PDZD2: variants seen among roughly 807,000 people sequenced by gnomAD.
PDZD2 encodes the protein PDZ domain containing 2, also known as PDZ domain-containing protein 2.
In PDZD2, 90 loss-of-function variants were observed where a neutral mutation model predicts 220.7. That is an observed-to-expected ratio of 0.41 (90% CI 0.34 to 0.49). The LOEUF (loss-of-function observed/expected upper bound fraction) is 0.49, where lower values mean the gene tolerates loss of function less well. Ranked by LOEUF, PDZD2 falls within the 20% of genes least tolerant of loss-of-function variation. PDZD2 has a pLI of 0.28. For missense variants in PDZD2, 3,174 were observed against 3,608.5 expected, an observed-to-expected ratio of 0.88 and a Z score of 3.08; for synonymous variants, 1,375 against 1,450.5, an observed-to-expected ratio of 0.95 and a Z score of 1.18.
chr5:32,063,915 G>T (rs1739939190), intron 14 of PDZD2, among the ~76,000 whole-genome samples: 1 of 152,204 alleles, frequency 6.6e-6, no homozygotes, highest in African/African-American at 2.4e-5. Flanking sequence ...TGAAAGACAA[G>T]ACCCAATTTA....
chr5:31,939,822 A>AT (rs1262139836), intron 2 of PDZD2, among the ~76,000 whole-genome samples: 3 of 152,090 alleles, frequency 2.0e-5, no homozygotes, highest in Non-Finnish European at 2.9e-5. Flanking sequence ...TCTATTTATC[A>AT]TTTTTTTCCT....
chr5:31,804,960 G>A (rs1200561897), intron 2 of PDZD2, among the ~76,000 whole-genome samples: 1 of 152,178 alleles, frequency 6.6e-6, no homozygotes, highest in East Asian at 1.9e-4. Context: ...TTGGGAGGCC[G>A]AGGCGGGTTG....
At chr5:31,808,978 C>CA (rs5867105) in intron 2 of PDZD2, among the ~76,000 whole-genome samples, 3,497 of 145,206 alleles carry the variant, frequency 0.024, 132 homozygotes, top group African/African-American at 0.081. Context: ...GACTCCATCT[C>CA]AAAAAAAAAA....
intron 7 of PDZD2, 146 bp downstream of exon 7, chr5:32,037,488 A>C (rs113300428): frequency 3.3e-5 from 20 of 603,016 alleles, no homozygotes; most frequent in African/African-American, 1.8e-4. Flanking sequence ...TATCCCAGGC[A>C]TAACAACTGC....
At chr5:31,987,073 G>T (rs769325900) in intron 3 of PDZD2, among the ~76,000 whole-genome samples, 2 of 152,062 alleles carry the variant, frequency 1.3e-5, no homozygotes, top group Admixed American at 1.3e-4. Context: ...ACTATTTTAG[G>T]CATGAGTTCA....
chr5:31,887,359 T>G (rs536967794), intron 2 of PDZD2, among the ~76,000 whole-genome samples: 30 of 152,290 alleles, frequency 2.0e-4, no homozygotes, highest in Admixed American at 1.2e-3. Context: ...TGGAGCACTT[T>G]TGGTGTCCTG....
chr5:31,989,486 G>T (rs569072674), intron 3 of PDZD2, among the ~76,000 whole-genome samples: 2 of 145,748 alleles, frequency 1.4e-5, no homozygotes, highest in African/African-American at 5.2e-5. Context: ...GCAGTGGCGC[G>T]ATCTTGGCTC....
chr5:31,976,717 T>TTTTC (rs1481093121), intron 2 of PDZD2, among the ~76,000 whole-genome samples: 127 of 20,948 alleles, frequency 6.1e-3, no homozygotes, highest in Non-Finnish European at 8.0e-3. Flanking sequence ...CTTCTTTCTT[T>TTTTC]TTTTTTTTTT....
chr5:31,969,057 G>T (rs1393654160), intron 2 of PDZD2, among the ~76,000 whole-genome samples: 1 of 152,132 alleles, frequency 6.6e-6, no homozygotes, highest in Non-Finnish European at 1.5e-5. Flanking sequence ...GCCACCAGGG[G>T]ATTCATGGCC....
At chr5:32,001,727 G>A (rs1454961091) in intron 5 of PDZD2, among the ~76,000 whole-genome samples, 4 of 152,200 alleles carry the variant, frequency 2.6e-5, no homozygotes, top group Admixed American at 1.3e-4. Context: ...AAGAGGAGGC[G>A]TTGACCTCTG....
intron 2 of PDZD2, among the ~76,000 whole-genome samples, chr5:31,907,232 AGTACCAGCAGCATGGTTGGTTTCTG>A (rs1160297851): frequency 6.6e-6 from 1 of 152,238 alleles, no homozygotes; most frequent in Non-Finnish European, 1.5e-5. Context: ...GAAAGACGAA[AGTACCAGCAGCATGGTTGGTTTCTG>A]GTGAGGGCTC....
intron 2 of PDZD2, among the ~76,000 whole-genome samples, chr5:31,806,807 G>A (rs573482434): frequency 6.6e-6 from 1 of 152,080 alleles, no homozygotes; most frequent in African/African-American, 2.4e-5. Context: ...CAAATTGGTC[G>A]CAAAATATGG....
intron 2 of PDZD2, among the ~76,000 whole-genome samples, chr5:31,971,322 T>C (rs748746110): frequency 1.5e-4 from 23 of 152,208 alleles, no homozygotes; most frequent in Non-Finnish European, 3.2e-4. Context: ...CCTCTTACAG[T>C]AGGAAGAATG....
rs575042417 is a variant in PDZD2 at position 31,753,695 on chromosome 5, G to A, written c.-360-45194G>A. ...GCTGGATAATAGATTTTTCGAGAGA[G>A]GCTGCAAATTAAGTCTTTTTGCGTG... On this transcript the variant is annotated intron_variant, in intron 1 of 24. Coordinates refer to ENST00000438447, the MANE Select transcript of PDZD2 (RefSeq NM_178140.4). Among the ~76,000 whole-genome samples the A allele has an allele frequency of 3.3e-5, 5 of 152,332 alleles. No homozygotes were observed. In the South Asian group the frequency reaches 1.0e-3, roughly 32 times the overall value.
intron 1 of PDZD2, among the ~76,000 whole-genome samples, chr5:31,780,261 C>T (rs1353963267): frequency 6.6e-6 from 1 of 151,778 alleles, no homozygotes; most frequent in Non-Finnish European, 1.5e-5. Flanking sequence ...GGGGTGGAGT[C>T]GGCACAGGAA....
chr5:32,009,323 AC>A (rs1581266256), intron 5 of PDZD2, among the ~76,000 whole-genome samples: 2 of 150,172 alleles, frequency 1.3e-5, no homozygotes, highest in South Asian at 4.2e-4. Context: ...AGCCTGGGCA[AC>A]AGAGCGAGAC....
At chr5:31,801,795 A>G (rs181466921) in intron 2 of PDZD2, among the ~76,000 whole-genome samples, 34 of 152,332 alleles carry the variant, frequency 2.2e-4, no homozygotes, top group African/African-American at 7.5e-4. Flanking sequence ...ATGTCTAGTA[A>G]GTAGTAGTCT....
chr5:32,013,999 T>C (rs982062732), intron 6 of PDZD2, among the ~76,000 whole-genome samples: 1 of 152,218 alleles, frequency 6.6e-6, no homozygotes, highest in East Asian at 1.9e-4. Context: ...CTTCACAGTC[T>C]ACCAGGGTCG....
chr5:31,780,995 C>T (rs1233617231), intron 1 of PDZD2, among the ~76,000 whole-genome samples: 2 of 152,204 alleles, frequency 1.3e-5, no homozygotes, highest in East Asian at 3.9e-4. Flanking sequence ...AGTGTTGGGT[C>T]ACCTGCTCAT....
Sources: gnomAD v4.1 joint callset for allele counts (sites outside exome capture counted in the v4.1 genomes callset) on GRCh38, gnomAD v4.1.1 for gene constraint, MANE v1.5 for transcripts, NCBI Gene and HGNC (gene_info 2026-07-23, HGNC 2026-07-21) for gene names.